Variants in DOCK4 observed in about 807,000 individuals in gnomAD.
DOCK4 encodes the protein dedicator of cytokinesis protein 4.
DOCK4 carries 97 observed loss-of-function variants against 268.1 expected under a neutral mutation model. The observed-to-expected ratio is 0.36, with a 90% CI of 0.31 to 0.43. The LOEUF (loss-of-function observed/expected upper bound fraction) is 0.43, where lower values mean the gene tolerates loss of function less well. DOCK4 is among the 20% of genes least tolerant of loss of function. DOCK4 has a pLI of 1.00. For synonymous variants in DOCK4, 954 were observed against 887.2 expected, an observed-to-expected ratio of 1.08 and a Z score of -1.34; for missense variants, 2,145 against 2,455.7, an observed-to-expected ratio of 0.87 and a Z score of 2.67.
chr7:111,960,859 T>G (rs1796821169), intron 8 of DOCK4, among the ~76,000 whole-genome samples: 1 of 152,176 alleles, frequency 6.6e-6, no homozygotes, highest in African/African-American at 2.4e-5. Context: ...ATGACAGAGT[T>G]TCCTTCTTTT....
intron 1 of DOCK4, among the ~76,000 whole-genome samples, chr7:112,021,505 G>T (rs1802314177): frequency 6.6e-6 from 1 of 152,110 alleles, no homozygotes; most frequent in Non-Finnish European, 1.5e-5. Context: ...AATTCCTGAG[G>T]CCACTTACAG....
rs548639094 is a variant in DOCK4, at chr7:112,098,821, T to A, written c.38-94690A>T. Among the ~76,000 whole-genome samples the A allele has an allele frequency of 1.0e-4, 13 of 125,476 alleles. No individual in the cohort carries two copies. In the East Asian group the frequency reaches 2.8e-3, roughly 27 times the overall value. The allele number at this position is 125,476 out of a possible 152,430, so 82.3% of individuals were successfully genotyped here. A position where few individuals can be genotyped will look rare whatever the true frequency, so the allele number is the denominator to read the frequency against. ...TATATCTCATGAGCATATATCTATA[T>A]ATTTTATCTAAATTATATCTCATGA... On this transcript the variant is annotated intron_variant, in intron 1 of 52. Transcript: ENST00000428084.
At position 111,728,463 on chromosome 7, in the gene DOCK4, G is replaced by A; in HGVS notation, c.5739C>T (p.Ser1913=). The change falls in exon 53 of 53, where the codon AGC becomes AGT. Residue 1913 remains serine, a synonymous_variant. Coordinates refer to ENST00000428084, the MANE Select transcript of DOCK4 (RefSeq NM_001363540.2). The part of the protein sequence containing the change: ...RKESKTPPPY[S]VYERTLRRPV... The stretch of plus-strand genomic sequence containing the variant: ...GGCGCCGCAGAGTCCGCTCGTAGAC[G>A]CTGTACGGGGGCGGAGTCTTGCTCT... The A allele has an allele frequency of 6.2e-7, 1 of 1,610,184 alleles. No homozygotes were observed. Among genetic ancestry groups the A allele is most frequent in the Non-Finnish European group, 8.5e-7 (1 of 1,178,180 alleles).
intron 39 of DOCK4, among the ~76,000 whole-genome samples, chr7:111,761,729 A>T (rs1465991314): frequency 6.6e-6 from 1 of 152,192 alleles, no homozygotes; most frequent in Admixed American, 6.5e-5. Flanking sequence ...GAGGAAATAC[A>T]GCAGGAACTG....
chr7:112,081,350 A>G (rs1433925612), intron 1 of DOCK4, among the ~76,000 whole-genome samples: 1 of 152,122 alleles, frequency 6.6e-6, no homozygotes, highest in Non-Finnish European at 1.5e-5. Flanking sequence ...AGATATCCCT[A>G]ACACCACCAA....
chr7:112,027,381 C>T (rs569767760), intron 1 of DOCK4, among the ~76,000 whole-genome samples: 3 of 152,212 alleles, frequency 2.0e-5, no homozygotes, highest in South Asian at 4.1e-4. Context: ...TGCACCACCA[C>T]ACCCGGTTAA....
chr7:111,877,003 G>A, intron 17 of DOCK4, 27 bp downstream of exon 17: 2 of 1,437,102 alleles, frequency 1.4e-6, no homozygotes, highest in Non-Finnish European at 1.8e-6. Flanking sequence ...AGGTACTAGG[G>A]CTTTCAAATA....
intron 1 of DOCK4, among the ~76,000 whole-genome samples, chr7:112,027,856 A>G (rs902668496): frequency 1.3e-5 from 2 of 152,226 alleles, no homozygotes; most frequent in Non-Finnish European, 2.9e-5. Context: ...CAAGAAAAGA[A>G]GCTGAGACAA....
rs1798878322 is a variant in DOCK4 at position 111,782,902 on chromosome 7, C to T, written c.3547G>A (p.Val1183Ile). ...DYRDCMKMGE[V>I]DGKKIGCTVS... is the part of the protein sequence containing the mutation. ...GTGCAGCCAATCTTTTTGCCATCTA[C>T]CTCTCCCATTTTCATGCAGTCCCTA... is the stretch of plus-strand genomic sequence containing the variant. The change falls in exon 35 of 53, where the codon GTA (valine) becomes ATA (isoleucine). Residue 1183 changes from valine to isoleucine, a missense_variant. Val to Ile is a conservative substitution (Grantham distance 29). Coordinates refer to ENST00000428084, the MANE Select transcript of DOCK4 (RefSeq NM_001363540.2). 6.2e-7 allele frequency: 1 copy of T among 1,613,290 alleles called. No individual in the cohort carries two copies. The highest frequency in any genetic ancestry group is 8.5e-7 in the Non-Finnish European group (1 of 1,179,696).
intron 32 of DOCK4, chr7:111,784,548 C>G (rs1585977724): frequency 2.3e-6 from 1 of 443,904 alleles, no homozygotes; most frequent in Non-Finnish European, 4.5e-6. Context: ...CAGTTTCATT[C>G]ATTTTGTCAC....
chr7:112,105,302 A>T (rs1811039457), intron 1 of DOCK4, among the ~76,000 whole-genome samples: 1 of 152,214 alleles, frequency 6.6e-6, no homozygotes, highest in Non-Finnish European at 1.5e-5. Context: ...AAAGAAATTT[A>T]AAAATCGATG....
chr7:112,001,862 C>T (rs979656770), intron 2 of DOCK4, among the ~76,000 whole-genome samples: 11 of 152,294 alleles, frequency 7.2e-5, no homozygotes, highest in East Asian at 1.9e-4. Flanking sequence ...AATAAGCAGG[C>T]TCAAGGACTG....
chr7:112,102,228 C>T (rs1304705989), intron 1 of DOCK4, among the ~76,000 whole-genome samples: 1 of 152,106 alleles, frequency 6.6e-6, no homozygotes, highest in Non-Finnish European at 1.5e-5. Flanking sequence ...GGACAGAAAA[C>T]ATATCCGTTA....
intron 1 of DOCK4, among the ~76,000 whole-genome samples, chr7:112,190,932 C>T (rs1353705984): frequency 6.6e-6 from 1 of 152,120 alleles, no homozygotes; most frequent in Non-Finnish European, 1.5e-5. Context: ...ATGTGAAGCC[C>T]CAGGTCCCAG....
chr7:111,877,871 A>C (rs1279689290), intron 16 of DOCK4, among the ~76,000 whole-genome samples: 1 of 152,224 alleles, frequency 6.6e-6, no homozygotes, highest in Non-Finnish European at 1.5e-5. Flanking sequence ...TGTTCATATG[A>C]TGCCAATGTA....
chr7:111,921,913 C>T (rs1200673796), intron 12 of DOCK4, among the ~76,000 whole-genome samples: 1 of 152,064 alleles, frequency 6.6e-6, no homozygotes, highest in East Asian at 1.9e-4. Context: ...ATAGTTGTGC[C>T]CACTTACCAC....
At chr7:112,028,442 A>G (rs1277918658) in intron 1 of DOCK4, among the ~76,000 whole-genome samples, 6 of 152,196 alleles carry the variant, frequency 3.9e-5, no homozygotes, top group Admixed American at 3.9e-4. Flanking sequence ...TTGTTTGAAA[A>G]CAGCTACTCC....
At chr7:112,013,617 C>G (rs1801545184) in intron 1 of DOCK4, among the ~76,000 whole-genome samples, 1 of 152,192 alleles carries the variant, frequency 6.6e-6, no homozygotes, top group South Asian at 2.1e-4. Context: ...TACTCCTGTC[C>G]CCTTAACAGG....
intron 52 of DOCK4, 36 bp from the exon 53 acceptor site, chr7:111,728,756 G>A (rs745375915): frequency 1.3e-6 from 2 of 1,555,606 alleles, no homozygotes; most frequent in South Asian, 1.2e-5. Flanking sequence ...GGGAGACACA[G>A]CATTGAGTCG....
Sources: gnomAD v4.1 joint callset for allele counts (sites outside exome capture counted in the v4.1 genomes callset) on GRCh38, gnomAD v4.1.1 for gene constraint, MANE v1.5 for transcripts, NCBI Gene and HGNC (gene_info 2026-07-23, HGNC 2026-07-21) for gene names.